Variants in PDLIM5 observed in about 807,000 individuals in gnomAD.
PDLIM5 encodes the protein PDZ and LIM domain 5.
In PDLIM5, 34 loss-of-function variants were observed where a neutral mutation model predicts 64.2. The ratio of observed to expected loss-of-function variants is 0.53; its 90% CI spans 0.40 to 0.71. The LOEUF is 0.71. PDLIM5 is among the 30% of genes least tolerant of loss of function. The pLI, the probability that PDLIM5 is intolerant of heterozygous loss-of-function variation, is 0.00. For synonymous variants in PDLIM5, 253 were observed against 269.1 expected, an observed-to-expected ratio of 0.94 and a Z score of 0.59; for missense variants, 683 against 733.6, an observed-to-expected ratio of 0.93 and a Z score of 0.80.
intron 3 of PDLIM5, among the ~76,000 whole-genome samples, chr4:94,529,617 G>T (rs768343664): frequency 7.0e-4 from 106 of 151,688 alleles, no homozygotes; most frequent in Non-Finnish European, 1.3e-3. Context: ...TTAATTTGGG[G>T]GCATATAATA....
At chr4:94,583,110 C>A (rs988893342) in intron 5 of PDLIM5, 2 of 157,380 alleles carry the variant, frequency 1.3e-5, no homozygotes, top group African/African-American at 4.8e-5. Context: ...CATTATATCC[C>A]AAATGCATTT....
At chr4:94,524,539 C>T (rs764983972) in intron 3 of PDLIM5, among the ~76,000 whole-genome samples, 7 of 151,262 alleles carry the variant, frequency 4.6e-5, no homozygotes, top group Non-Finnish European at 1.0e-4. Flanking sequence ...ATTAGTTTGT[C>T]CTTTTCTCTT....
At chr4:94,556,053 G>A (rs1355517983) in intron 3 of PDLIM5, among the ~76,000 whole-genome samples, 76 of 64,192 alleles carry the variant, frequency 1.2e-3, no homozygotes, top group African/African-American at 4.2e-3. Context: ...TATCCCTCCC[G>A]CCTCCCCCCA....
chr4:94,634,059 G>A (rs1217338883), intron 8 of PDLIM5, among the ~76,000 whole-genome samples: 1 of 152,174 alleles, frequency 6.6e-6, no homozygotes, highest in Non-Finnish European at 1.5e-5. Context: ...AGTGGCAGGA[G>A]ATCAGGTCAG....
At chr4:94,571,036 C>T (rs1388302566) in intron 3 of PDLIM5, among the ~76,000 whole-genome samples, 1 of 152,150 alleles carries the variant, frequency 6.6e-6, no homozygotes, top group Non-Finnish European at 1.5e-5. Flanking sequence ...TTTTATAAAG[C>T]AGTTTTAGGA....
intron 7 of PDLIM5, among the ~76,000 whole-genome samples, chr4:94,605,910 AATTT>A (rs1737878820): frequency 6.6e-6 from 1 of 151,260 alleles, no homozygotes; most frequent in Admixed American, 6.6e-5. Flanking sequence ...TATTGATAAT[AATTT>A]ATAACCATAT....
intron 2 of PDLIM5, among the ~76,000 whole-genome samples, chr4:94,477,248 A>C (rs1317711439): frequency 6.6e-6 from 1 of 152,154 alleles, no homozygotes; most frequent in East Asian, 1.9e-4. Context: ...GTGGCCTTTG[A>C]CAATAGCTGC....
chr4:94,452,742 G>C (rs1022344026), intron 1 of PDLIM5, among the ~76,000 whole-genome samples: 8 of 152,170 alleles, frequency 5.3e-5, no homozygotes, highest in African/African-American at 1.9e-4. Context: ...GGGCAGGGCA[G>C]ATTTAGGGTG....
chr4:94,490,548 T>C (rs2126118517), intron 2 of PDLIM5, among the ~76,000 whole-genome samples: 1 of 152,258 alleles, frequency 6.6e-6, no homozygotes, highest in African/African-American at 2.4e-5. Flanking sequence ...TTAATTGATT[T>C]TGGATATTTC....
chr4:94,573,036 G>T (rs907878298), intron 3 of PDLIM5, among the ~76,000 whole-genome samples: 1 of 152,104 alleles, frequency 6.6e-6, no homozygotes, highest in Non-Finnish European at 1.5e-5. Flanking sequence ...CCTTTTAGGT[G>T]GGGGGTATCC....
At chr4:94,476,510 A>C (rs2126099913) in intron 2 of PDLIM5, among the ~76,000 whole-genome samples, 1 of 152,330 alleles carries the variant, frequency 6.6e-6, no homozygotes, top group South Asian at 2.1e-4. Flanking sequence ...ACCCCCTGCC[A>C]AACCTGAAAT....
At chr4:94,565,677 G>A (rs2110254786) in intron 3 of PDLIM5, among the ~76,000 whole-genome samples, 1 of 152,254 alleles carries the variant, frequency 6.6e-6, no homozygotes, top group East Asian at 1.9e-4. Flanking sequence ...CCATCCTGCT[G>A]AAAAATGAAA....
At chr4:94,535,230 G>A (rs934219944) in intron 3 of PDLIM5, among the ~76,000 whole-genome samples, 3 of 152,152 alleles carry the variant, frequency 2.0e-5, no homozygotes, top group African/African-American at 2.4e-5. Context: ...AGCCACAGTC[G>A]TGTTCTGGAT....
intron 10 of PDLIM5, among the ~76,000 whole-genome samples, chr4:94,655,335 T>C (rs1242252789): frequency 2.6e-5 from 4 of 152,262 alleles, no homozygotes; most frequent in East Asian, 1.9e-4. Flanking sequence ...TTATGGTGAC[T>C]AGGAGCTGGA....
At chr4:94,547,646 G>A (rs1447880395) in intron 3 of PDLIM5, among the ~76,000 whole-genome samples, 2 of 152,142 alleles carry the variant, frequency 1.3e-5, no homozygotes, top group African/African-American at 2.4e-5. Flanking sequence ...CCATTATTCT[G>A]TCTAACACAT....
chr4:94,613,884 T>A (rs1013206379), intron 7 of PDLIM5, among the ~76,000 whole-genome samples: 2 of 152,050 alleles, frequency 1.3e-5, no homozygotes, highest in African/African-American at 4.8e-5. Context: ...CATTAATCAT[T>A]AGAAGTTTCT....
chr4:94,642,077 A>G (rs1408584813), intron 9 of PDLIM5, among the ~76,000 whole-genome samples: 1 of 152,234 alleles, frequency 6.6e-6, no homozygotes, highest in East Asian at 1.9e-4. Context: ...TTTTTGGTTT[A>G]ATATCGATAA....
At chr4:94,468,898 G>T (rs1724606350) in intron 2 of PDLIM5, among the ~76,000 whole-genome samples, 1 of 152,178 alleles carries the variant, frequency 6.6e-6, no homozygotes, top group South Asian at 2.1e-4. Context: ...GATATAGAGT[G>T]TGCTTTTCCA....
At chr4:94,523,479 G>A (rs1405242819) in intron 2 of PDLIM5, among the ~76,000 whole-genome samples, 2 of 151,950 alleles carry the variant, frequency 1.3e-5, no homozygotes, top group Non-Finnish European at 2.9e-5. Context: ...GAAATGATCA[G>A]GGAATCTTTC....
Sources: allele counts gnomAD v4.1 joint callset (sites outside exome capture counted in the v4.1 genomes callset), GRCh38; gene constraint gnomAD v4.1.1; transcripts MANE v1.5; gene names NCBI Gene and HGNC (gene_info 2026-07-23, HGNC 2026-07-21).